The following CHLSN variants were observed in gnomAD, a reference collection of about 807,000 sequenced individuals.
CHLSN encodes protein cholesin.
At chr7:1,017,711 C>CGGGCAGCCGCGGACGGCGGGATAAG in the CHLSN span, among the ~76,000 whole-genome samples, 2 of 152,180 alleles carry the variant, frequency 1.3e-5, no homozygotes, top group African/African-American at 2.4e-5. Flanking sequence ...CTGACTGCCG[C>CGGGCAGCCGCGGACGGCGGGATAAG]GGGCAGCCGC....
At chr7:1,013,867 C>T in the CHLSN span, among the ~76,000 whole-genome samples, 4 of 152,214 alleles carry the variant, frequency 2.6e-5, no homozygotes, top group Non-Finnish European at 4.4e-5. Context: ...AATAAAAATT[C>T]CAGCCACACA....
At chr7:1,133,205 TC>T in the CHLSN span, among the ~76,000 whole-genome samples, 2 of 151,986 alleles carry the variant, frequency 1.3e-5, no homozygotes, top group African/African-American at 4.8e-5. Flanking sequence ...ACTGCAAAAT[TC>T]CACTTCTGTG....
chr7:1,014,952 G>C, the CHLSN span, among the ~76,000 whole-genome samples: 1 of 152,230 alleles, frequency 6.6e-6, no homozygotes, highest in Admixed American at 6.5e-5. Context: ...CAGGTGTGCA[G>C]GCTGTGCGGT....
chr7:1,080,789 C>T, the CHLSN span: 3 of 152,376 alleles, frequency 2.0e-5, no homozygotes, highest in South Asian at 2.1e-4. Context: ...TCCGTGACCT[C>T]GGCTGCAGAG....
At chr7:1,067,180 T>C in the CHLSN span, among the ~76,000 whole-genome samples, 1 of 95,404 alleles carries the variant, frequency 1.0e-5, no homozygotes, top group Admixed American at 1.2e-4. Flanking sequence ...CACCCAGAGG[T>C]GAGGGTTTGG....
At chr7:982,510 C>G in the CHLSN span, among the ~76,000 whole-genome samples, 19 of 152,254 alleles carry the variant, frequency 1.2e-4, no homozygotes, top group African/African-American at 4.3e-4. Flanking sequence ...CCACCTGCCA[C>G]CCGGCAGCCC....
the CHLSN span, among the ~76,000 whole-genome samples, chr7:998,933 A>G: frequency 6.6e-6 from 1 of 152,164 alleles, no homozygotes; most frequent in South Asian, 2.1e-4. Context: ...TAATTTTTGC[A>G]TATGGTTTGA....
chr7:987,588 G>A, the CHLSN span: 1 of 1,425,712 alleles, frequency 7.0e-7, no homozygotes, highest in African/African-American at 1.4e-5. Flanking sequence ...CTCGGCGGGG[G>A]TCCAGGGGCA....
chr7:1,052,418 G>A, the CHLSN span, among the ~76,000 whole-genome samples: 320 of 152,364 alleles, frequency 2.1e-3, 6 homozygotes, highest in Non-Finnish European at 1.5e-4. This position sits in a 1 kb window ranked among gnomAD's most constrained non-coding sequence, Gnocchi z 4.2. Context: ...CAGGTCTTGA[G>A]GAGTCGTGGG....
chr7:1,073,177 C>G, the CHLSN span, among the ~76,000 whole-genome samples: 43,156 of 151,936 alleles, frequency 0.28, 6,496 homozygotes, highest in African/African-American at 0.36. Flanking sequence ...GCTCCTCTGG[C>G]CTCTTTCTCA....
At chr7:1,086,151 G>C in the CHLSN span, among the ~76,000 whole-genome samples, 1 of 152,264 alleles carries the variant, frequency 6.6e-6, no homozygotes, top group South Asian at 2.1e-4. Flanking sequence ...CACGTGAGTG[G>C]AGAGCTTGGG....
chr7:1,112,800 G>A, the CHLSN span, among the ~76,000 whole-genome samples: 2 of 152,110 alleles, frequency 1.3e-5, no homozygotes, highest in African/African-American at 4.8e-5. Flanking sequence ...AACGCAAAAC[G>A]GCACGGCCAC....
chr7:1,072,140 A>G, the CHLSN span, among the ~76,000 whole-genome samples: 2 of 152,004 alleles, frequency 1.3e-5, no homozygotes, highest in African/African-American at 4.8e-5. Context: ...CGATACCCAG[A>G]CCCTCCCATG....
At chr7:980,792 A>G in the CHLSN span, among the ~76,000 whole-genome samples, 1 of 145,196 alleles carries the variant, frequency 6.9e-6, no homozygotes, top group Non-Finnish European at 1.5e-5. Context: ...GGTTCACGCC[A>G]TTCTCCTGCC....
the CHLSN span, among the ~76,000 whole-genome samples, chr7:1,040,997 G>A: frequency 6.6e-6 from 1 of 152,250 alleles, no homozygotes. Context: ...CGAAGCCAGA[G>A]GCTCGGCAGT....
At chr7:982,297 C>G in the CHLSN span, among the ~76,000 whole-genome samples, 2 of 152,236 alleles carry the variant, frequency 1.3e-5, no homozygotes, top group South Asian at 2.1e-4. Flanking sequence ...GGGCCTCAGG[C>G]TGCCTCGGCT....
At chr7:986,461 G>A in the CHLSN span, 27 of 763,638 alleles carry the variant, frequency 3.5e-5, no homozygotes, top group Non-Finnish European at 4.8e-5. Context: ...GCAGTTCCTG[G>A]TCCTCCCTTG....
At chr7:1,018,948 C>T in the CHLSN span, among the ~76,000 whole-genome samples, 4,683 of 152,078 alleles carry the variant, frequency 0.031, 105 homozygotes, top group African/African-American at 0.05. Flanking sequence ...GGGAGTGGTC[C>T]GGGCGTGGTG....
At chr7:1,045,369 C>CT in the CHLSN span, 1 of 152,298 alleles carries the variant, frequency 6.6e-6, no homozygotes, top group Non-Finnish European at 1.5e-5. Context: ...TGAAGATGTA[C>CT]TTGAGTCCTC....
Sources: allele counts gnomAD v4.1 joint callset (sites outside exome capture counted in the v4.1 genomes callset), GRCh38; gene constraint gnomAD v4.1.1; non-coding constraint Gnocchi (gnomAD v3.1); transcripts MANE v1.5; gene names NCBI Gene and HGNC (gene_info 2026-07-23, HGNC 2026-07-21).